IPO8: variants seen among roughly 807,000 people sequenced by gnomAD.
IPO8 encodes importin 8, also known as importin-8.
IPO8 carries 65 observed loss-of-function variants against 141.2 expected under a neutral mutation model. That is an observed-to-expected ratio of 0.46 (90% CI 0.38 to 0.57). The LOEUF (loss-of-function observed/expected upper bound fraction) is 0.57. Ranked by LOEUF, IPO8 falls within the 20% of genes least tolerant of loss-of-function variation. The probability of loss-of-function intolerance (pLI) is 0.00; values close to 1 mark genes in which losing one functional copy is unlikely to be tolerated. For missense variants in IPO8, 980 were observed against 1,246.8 expected (o/e 0.79, Z 3.22); for synonymous variants, 411 against 420.3 (o/e 0.98, Z 0.27).
chr12:30,653,546 T>C (rs946748697), intron 17 of IPO8, among the ~76,000 whole-genome samples: 12 of 152,164 alleles, frequency 7.9e-5, no homozygotes, highest in African/African-American at 2.6e-4. Flanking sequence ...CTAACAACTA[T>C]ATACTGGGCA....
rs2052422271 is a variant in IPO8, at chr12:30,630,901, G to A, written c.3073C>T (p.Leu1025Phe). ...ACAGTCCCAAAATTAAATGCGGAGA[G>A]GACTCCTTTGTTTTCAAAGGTGAAG... ...GGFTFENKGV[L>F]SAFNFGTVPS... Residue 1025 changes from leucine to phenylalanine, a missense_variant, in exon 25 of 25, where the codon CTC becomes TTC. Transcript: ENST00000256079. 1 of 1,613,720 alleles carries A rather than the reference G, an allele frequency of 6.2e-7. No individual in the cohort carries two copies. Among genetic ancestry groups the A allele is most frequent in the Non-Finnish European group, 8.5e-7 (1 of 1,179,928 alleles).
chr12:30,632,129 A>G (rs2052441499), intron 23 of IPO8, 118 bp from the exon 24 acceptor site: 1 of 661,322 alleles, frequency 1.5e-6, no homozygotes. Context: ...CAAAGAGTAC[A>G]GTACTACAAC....
At chr12:30,640,202 ATGG>A (rs2052558108) in intron 20 of IPO8, among the ~76,000 whole-genome samples, 1 of 152,218 alleles carries the variant, frequency 6.6e-6, no homozygotes, top group South Asian at 2.1e-4. Context: ...TAAAGAAAAA[ATGG>A]TGGAGCCTGA....
At chr12:30,665,518 T>C (rs981824509) in intron 12 of IPO8, among the ~76,000 whole-genome samples, 21 of 152,210 alleles carry the variant, frequency 1.4e-4, no homozygotes, top group Admixed American at 6.5e-5. Flanking sequence ...ATACTTTGTA[T>C]CCCTTTCACA....
chr12:30,685,919 A>C (rs1028426274), intron 2 of IPO8, among the ~76,000 whole-genome samples: 10 of 151,696 alleles, frequency 6.6e-5, no homozygotes, highest in African/African-American at 2.4e-4. Context: ...AAAAAAAAAA[A>C]ACTAAATTGG....
chr12:30,642,594 T>C (rs2052589508), intron 20 of IPO8, among the ~76,000 whole-genome samples: 1 of 151,596 alleles, frequency 6.6e-6, no homozygotes, highest in Non-Finnish European at 1.5e-5. Context: ...TATGCATTAG[T>C]ATATATGTAG....
intron 22 of IPO8, among the ~76,000 whole-genome samples, chr12:30,635,423 T>C (rs187480572): frequency 2.0e-5 from 3 of 152,090 alleles, no homozygotes; most frequent in Non-Finnish European, 4.4e-5. Context: ...TTGTACTCCA[T>C]AAATATATAA....
chr12:30,664,833 G>A lies in IPO8; in HGVS notation c.1428+387C>T, dbSNP rs568294286. ...CAGCTCACCGCAACCTCCGCCTCCC[G>A]GGTTCAAGCAATTCTCCTGGCTCAG... On this transcript the variant is annotated intron_variant, in intron 13 of 24. Transcript: ENST00000256079. Among the ~76,000 whole-genome samples, 686 of 152,114 alleles carry A rather than the reference G, an allele frequency of 4.5e-3. 5 individuals carry two copies. The highest frequency in any genetic ancestry group is 0.015 in the African/African-American group (622 of 41,498).
chr12:30,653,680 T>C (rs1003418185), intron 17 of IPO8, among the ~76,000 whole-genome samples: 3 of 151,998 alleles, frequency 2.0e-5, no homozygotes, highest in Non-Finnish European at 2.9e-5. Context: ...AATATCATTA[T>C]CCTCAGTCAA....
At chr12:30,668,057 AAAAGAG>A in intron 10 of IPO8, among the ~76,000 whole-genome samples, 1 of 119,840 alleles carries the variant, frequency 8.3e-6, no homozygotes, top group East Asian at 2.3e-4. Flanking sequence ...TGGAACAAAA[AAAAGAG>A]AGAGAGAGAG....
chr12:30,693,063 T>C (rs1272095936), intron 1 of IPO8, among the ~76,000 whole-genome samples: 1 of 152,222 alleles, frequency 6.6e-6, no homozygotes, highest in African/African-American at 2.4e-5. Flanking sequence ...TACACATGCA[T>C]GGAAAGCAGA....
At position 30,636,968 on chromosome 12, in the gene IPO8, TTAGAAGAC is replaced by T; in HGVS notation, c.2695+6_2695+13del. ...AAATCAATTGTAACATTAATTTCAA[TTAGAAGAC>T]TTTACCATTTTCTTCCATATCAGCT... On this transcript the variant is annotated splice_donor_region_variant and intron_variant, in intron 22 of 24. Transcript: ENST00000256079. The T allele has an allele frequency of 6.2e-7, 1 of 1,602,076 alleles. No homozygotes were observed. The highest frequency in any genetic ancestry group is 1.1e-5 in the South Asian group (1 of 90,804).
intron 18 of IPO8, 87 bp from the exon 19 acceptor site, chr12:30,652,376 C>A (rs2052740331): frequency 1.3e-6 from 1 of 766,582 alleles, no homozygotes; most frequent in Non-Finnish European, 2.2e-6. Flanking sequence ...CTGTAGCACC[C>A]ACACATTAGT....
chr12:30,688,345 A>G, intron 2 of IPO8: 1 of 391,350 alleles, frequency 2.6e-6, no homozygotes, highest in South Asian at 1.9e-5. Context: ...CAGTAAGGTA[A>G]GAAAGGACAT....
chr12:30,671,067 T>C lies in IPO8; in HGVS notation c.939A>G (p.Arg313=), dbSNP rs777196499. ...CACGGGGAGCTACATATTCTTTCTGTCTATATTGATCTAAAATTTTTAGTA... is the reference window on the plus strand; with the variant it reads ...CACGGGGAGCTACATATTCTTTCTGCCTATATTGATCTAAAATTTTTAGTA... ...QVLLKILDQY[R]QKEYVAPRVL... Residue 313 remains arginine, a synonymous_variant, in exon 9 of 25, where the codon AGA becomes AGG. Transcript: ENST00000256079. 6.2e-7 allele frequency: 1 copy of C among 1,602,384 alleles called. No individual in the cohort carries two copies.
intron 20 of IPO8, among the ~76,000 whole-genome samples, chr12:30,648,015 A>G (rs1299753380): frequency 6.6e-6 from 1 of 152,212 alleles, no homozygotes; most frequent in Non-Finnish European, 1.5e-5. Context: ...GGAATGGAAA[A>G]TGGTGCAGCT....
chr12:30,648,040 T>C (rs1455798520), intron 20 of IPO8, among the ~76,000 whole-genome samples: 2 of 152,194 alleles, frequency 1.3e-5, no homozygotes, highest in East Asian at 1.9e-4. Context: ...TAAAAACAGT[T>C]TGACAGTCCC....
Position 30,695,573 on chromosome 12 carries a change from C to T in IPO8, c.75G>A (p.Glu25=). ...AAGACCCTCTCCTCACCTGGTTGAG[C>T]TCGTTCTCGGCTGCAATCCGCAACT... is the stretch of plus-strand genomic sequence containing the variant. ...DPKLRIAAEN[E]LNQSYKIINF... is the part of the protein sequence containing the mutation. The change falls in exon 1 of 25, where the codon GAG becomes GAA. Residue 25 remains glutamate (E), a synonymous_variant. Coordinates refer to ENST00000256079, the MANE Select transcript of IPO8 (RefSeq NM_006390.4). The surrounding 1 kb of genome is among the most constrained non-coding windows in gnomAD (Gnocchi z 4.2). 6.2e-7 allele frequency: 1 copy of T among 1,613,962 alleles called. No individual in the cohort carries two copies. Among genetic ancestry groups the T allele is most frequent in the African/African-American group, 1.3e-5 (1 of 75,038 alleles).
intron 21 of IPO8, among the ~76,000 whole-genome samples, chr12:30,637,408 G>A (rs1236405688): frequency 6.6e-6 from 1 of 152,104 alleles, no homozygotes; most frequent in African/African-American, 2.4e-5. Context: ...AATTAACATG[G>A]TGAATCTTGC....
Sources: gnomAD v4.1 joint callset for allele counts (sites outside exome capture counted in the v4.1 genomes callset) on GRCh38, gnomAD v4.1.1 for gene constraint, Gnocchi (gnomAD v3.1) non-coding constraint, MANE v1.5 for transcripts, NCBI Gene and HGNC (gene_info 2026-07-23, HGNC 2026-07-21) for gene names.